Variants in PCOLCE observed in about 807,000 individuals in gnomAD.
PCOLCE encodes procollagen C-endopeptidase enhancer 1.
In PCOLCE, 33 loss-of-function variants were observed where a neutral mutation model predicts 47.2. The observed-to-expected ratio is 0.70, with a 90% CI of 0.53 to 0.93. The LOEUF is 0.93. Among genes scored for constraint, PCOLCE ranks in the 40% least tolerant of loss-of-function variants. The pLI is 0.00. For synonymous variants in PCOLCE, 254 were observed against 252.5 expected, an observed-to-expected ratio of 1.01 and a Z score of -0.06; for missense variants, 584 against 585.3, an observed-to-expected ratio of 1.00 and a Z score of 0.02.
chr7:100,607,446 T>C lies in PCOLCE; in HGVS notation c.941-6T>C, dbSNP rs1402599962. 10 of 1,613,022 alleles carry C rather than the reference T, an allele frequency of 6.2e-6. No homozygotes were observed. The African/African-American group carries it at 9.4e-5, about 15-fold the overall frequency. ...GCAGGTCACCCTCCACCCTCCTCCC[T>C]CCTAGATGCACCCACCTGCCCAAAG... On this transcript the variant is annotated splice_polypyrimidine_tract_variant and splice_region_variant and intron_variant, in intron 6 of 8. Transcript: ENST00000223061.
chr7:100,603,350 C>G (rs1026904880), intron 1 of PCOLCE, 80 bp from the exon 2 acceptor site: 22 of 721,626 alleles, frequency 3.0e-5, no homozygotes, highest in Non-Finnish European at 4.8e-5. Flanking sequence ...GTTTCATCCT[C>G]ATCACCTCAT....
In PCOLCE at chr7:100,607,637, T is replaced by C; in HGVS notation, c.1013T>C (p.Val338Ala). 6.2e-7 allele frequency: 1 copy of C among 1,613,970 alleles called. No individual in the cohort carries two copies. The highest frequency in any genetic ancestry group is 8.5e-7 in the Non-Finnish European group (1 of 1,179,880). Residue 338 changes from valine to alanine, a missense_variant and splice_region_variant, in exon 8 of 9, where the codon GTG becomes GCG. Physicochemically the swap from Val to Ala is moderately conservative, Grantham distance 64 (BLOSUM62 0). Transcript: ENST00000223061. The stretch of plus-strand genomic sequence containing the variant: ...ATCTCTCACTCCCATTCTCCCACAG[T>C]GGTGACTGCGACAGTGAAGTCCATG... Reference protein sequence around the residue: ...LQSNFCASSLVVTATVKSMVR... With the variant: ...LQSNFCASSLAVTATVKSMVR...
At position 100,608,106 on chromosome 7, in the gene PCOLCE, C is replaced by T. The variant is rs368423408; in HGVS notation, c.*3C>T. 36 of 1,613,108 alleles carry T rather than the reference C, an allele frequency of 2.2e-5. No individual in the cohort carries two copies. The highest frequency in any genetic ancestry group is 1.5e-4 in the South Asian group (14 of 91,072). On this transcript the variant is annotated 3_prime_UTR_variant, in exon 9 of 9. Coordinates refer to ENST00000223061, the MANE Select transcript of PCOLCE (RefSeq NM_002593.4). Reference sequence around the variant, plus strand: ...GGGCTGCTGCGTCCCAGGACTGAGACGCAGGCCAGCCCCGGCCCCTAGCCC... The same window carrying T: ...GGGCTGCTGCGTCCCAGGACTGAGATGCAGGCCAGCCCCGGCCCCTAGCCC...
intron 1 of PCOLCE, 40 bp from the exon 2 acceptor site, chr7:100,603,390 C>A: frequency 9.7e-7 from 1 of 1,035,318 alleles, no homozygotes; most frequent in Non-Finnish European, 1.5e-6. Flanking sequence ...CCCCGTCCCA[C>A]CCGTCCCTGC....
chr7:100,603,553 TG>T lies in PCOLCE; in HGVS notation c.204+18del. The stretch of plus-strand genomic sequence containing the variant: ...GGACCATAACGGTGAGAAACCCCTC[TG>T]GGCACTACCCCTTGTTAAAGTCTCA... On this transcript the variant is annotated intron_variant, in intron 2 of 8. Coordinates refer to ENST00000223061, the MANE Select transcript of PCOLCE (RefSeq NM_002593.4). The T allele has an allele frequency of 7.3e-7, 1 of 1,365,600 alleles. No homozygotes were observed. Among genetic ancestry groups the T allele is most frequent in the Non-Finnish European group, 1.0e-6 (1 of 967,884 alleles). The allele number at this position is 1,365,600 out of a possible 1,614,324, so 84.6% of individuals were successfully genotyped here.
intron 1 of PCOLCE, chr7:100,602,778 TAA>T: frequency 1.7e-6 from 1 of 571,824 alleles, no homozygotes; most frequent in Non-Finnish European, 3.1e-6. Flanking sequence ...TCTGGTCTCT[TAA>T]GTCTCCCCAC....
At position 100,605,955 on chromosome 7, in the gene PCOLCE, G is replaced by T; in HGVS notation, c.725+143G>T. 1 of 959,588 alleles carries T rather than the reference G, an allele frequency of 1.0e-6. No individual in the cohort carries two copies. Among genetic ancestry groups the T allele is most frequent in the Non-Finnish European group, 1.5e-6 (1 of 661,184 alleles). 59.4% of individuals were successfully genotyped at this position (959,588 alleles called of 1,614,324 possible). A position where few individuals can be genotyped will look rare whatever the true frequency, so the allele number is the denominator to read the frequency against. On this transcript the variant is annotated intron_variant, in intron 5 of 8. Transcript: ENST00000223061. This position sits in a 1 kb window ranked among gnomAD's most constrained non-coding sequence, Gnocchi z 6.1. ...GGCGAGGGGAGCAGGTTGGAGGCCAGGCAAAGAGGAGATTTGGCCCCGGGT... is the reference window on the plus strand; with the variant it reads ...GGCGAGGGGAGCAGGTTGGAGGCCATGCAAAGAGGAGATTTGGCCCCGGGT...
Position 100,606,552 on chromosome 7 carries a change from C to G in PCOLCE, c.862C>G (p.Arg288Gly). The G allele has an allele frequency of 6.2e-7, 1 of 1,614,154 alleles. No individual in the cohort carries two copies. The highest frequency in any genetic ancestry group is 1.1e-5 in the South Asian group (1 of 91,084). ...AKEGQGPGPK[R>G]GTEPKVKLPP... is the part of the protein sequence containing the mutation. The stretch of plus-strand genomic sequence containing the variant: ...AGAAGGGCAAGGGCCCGGCCCCAAA[C>G]GGGGAACTGAGCCTAAAGTCAAGCT... The change falls in exon 6 of 9, where the codon CGG becomes GGG. Residue 288 changes from arginine (R) to glycine (G), a missense_variant. Transcript: ENST00000223061.
chr7:100,607,886 G>C, intron 8 of PCOLCE, 51 bp from the exon 9 acceptor site: 1 of 1,611,804 alleles, frequency 6.2e-7, no homozygotes, highest in Non-Finnish European at 8.5e-7. Flanking sequence ...CTTGAGACCT[G>C]CTGACAGGTC....
intron 2 of PCOLCE, 157 bp from the exon 3 acceptor site, chr7:100,603,802 G>A: frequency 1.3e-6 from 1 of 785,206 alleles, no homozygotes; most frequent in Non-Finnish European, 2.0e-6. Context: ...GCTACCAGCA[G>A]AGCTGCAGAG....
At position 100,605,119 on chromosome 7, in the gene PCOLCE, GAAGGCCCAGGGA is replaced by G; in HGVS notation, c.494_505del (p.Lys165_Gly168del). 6.2e-7 allele frequency: 1 copy of G among 1,612,614 alleles called. No homozygotes were observed. The highest frequency in any genetic ancestry group is 8.5e-7 in the Non-Finnish European group (1 of 1,179,522). On this transcript the variant is annotated inframe_deletion, in exon 4 of 9. Transcript: ENST00000223061. The surrounding 1 kb of genome is among the most constrained non-coding windows in gnomAD (Gnocchi z 6.1). ...ACCAATTTTGCGGGGGGCGGCTGGA[GAAGGCCCAGGGA>G]ACCCTGACCACGCCCAACTGGCCCG...
chr7:100,603,564 C>G, intron 2 of PCOLCE, 26 bp downstream of exon 2: 1 of 1,291,494 alleles, frequency 7.7e-7, no homozygotes, highest in South Asian at 1.2e-5. Context: ...GGGCACTACC[C>G]CTTGTTAAAG....
At chr7:100,607,409 C>G in intron 6 of PCOLCE, 43 bp from the exon 7 acceptor site, 1 of 1,499,326 alleles carries the variant, frequency 6.7e-7, no homozygotes, top group Non-Finnish European at 9.3e-7. Context: ...AGTGCTCCCT[C>G]CTACCTGCTG....
Position 100,604,001 on chromosome 7 carries a change from G to C in PCOLCE, c.247G>C (p.Asp83His). 6.2e-7 allele frequency: 1 copy of C among 1,604,002 alleles called. No individual in the cohort carries two copies. The highest frequency in any genetic ancestry group is 1.3e-5 in the African/African-American group (1 of 75,020). Reference sequence around the variant, plus strand: ...TGTGTCCCTCTCATTCCGAGTCTTCGACCTGGAGCTGCACCCCGCCTGCCG... The same window carrying C: ...TGTGTCCCTCTCATTCCGAGTCTTCCACCTGGAGCTGCACCCCGCCTGCCG... ...QTVSLSFRVFDLELHPACRYD... is the reference protein window; with the variant it reads ...QTVSLSFRVFHLELHPACRYD... Residue 83 changes from aspartate (D) to histidine (H), a missense_variant, in exon 3 of 9, where the codon GAC becomes CAC. By Grantham distance (81) the Asp-to-His change is moderately conservative (BLOSUM62 -1). Transcript: ENST00000223061. The surrounding 1 kb of genome is among the most constrained non-coding windows in gnomAD (Gnocchi z 6.4).
chr7:100,605,098 A>G lies in PCOLCE; in HGVS notation c.471A>G (p.Gln157=), dbSNP rs766639817. 6 of 1,611,110 alleles carry G rather than the reference A, an allele frequency of 3.7e-6. No individual in the cohort carries two copies. The South Asian group carries it at 6.6e-5, about 18-fold the overall frequency. The part of the protein sequence containing the change: ...SGRATSGTEH[Q]FCGGRLEKAQ... ...CCTCTCTCCCCTCCCCAGAGCACCA[A>G]TTTTGCGGGGGGCGGCTGGAGAAGG... Residue 157 remains glutamine, a synonymous_variant, in exon 4 of 9, where the codon CAA becomes CAG. Coordinates refer to ENST00000223061, the MANE Select transcript of PCOLCE (RefSeq NM_002593.4). The surrounding 1 kb of genome is among the most constrained non-coding windows in gnomAD (Gnocchi z 6.1).
In PCOLCE at chr7:100,604,155, A is replaced by C. The variant is rs899984846; in HGVS notation, c.401A>C (p.Asp134Ala). Residue 134 changes from aspartate to alanine, a missense_variant, in exon 3 of 9, where the codon GAT becomes GCT. Asp to Ala is a moderately radical substitution (Grantham distance 126). Transcript: ENST00000223061. This position sits in a 1 kb window ranked among gnomAD's most constrained non-coding sequence, Gnocchi z 6.4. ...CAGGTGACCCTGAGGATGACGACGG[A>C]TGAGGGCACAGGAGGACGAGGCTTC... Reference protein sequence around the residue: ...GNQVTLRMTTDEGTGGRGFLL... With the variant: ...GNQVTLRMTTAEGTGGRGFLL... The C allele has an allele frequency of 4.3e-6, 7 of 1,613,274 alleles. No homozygotes were observed. The highest frequency in any genetic ancestry group is 5.9e-6 in the Non-Finnish European group (7 of 1,179,950).
At chr7:100,606,746 C>A in intron 6 of PCOLCE, 116 bp downstream of exon 6, 1 of 745,554 alleles carries the variant, frequency 1.3e-6, no homozygotes, top group Non-Finnish European at 2.2e-6. Context: ...GTCCAGACAG[C>A]AGGATCGCTT....
intron 1 of PCOLCE, 23 bp from the exon 2 acceptor site, chr7:100,603,407 C>T: frequency 7.4e-7 from 1 of 1,358,094 alleles, no homozygotes; most frequent in Non-Finnish European, 1.0e-6. Context: ...CTGCTCTTTC[C>T]TGACCCCTTT....
rs994574913 is a variant in PCOLCE, at chr7:100,602,377, T to C, written c.-80T>C. 8 of 935,778 alleles carry C rather than the reference T, an allele frequency of 8.5e-6. No homozygotes were observed. The highest frequency in any genetic ancestry group is 1.7e-5 in the Admixed American group (1 of 58,380). 58.0% of individuals were successfully genotyped at this position (935,778 alleles called of 1,614,324 possible). Reference sequence around the variant, plus strand: ...CATCTGGCGCTGATTATCCTGCTGCTGCCGCCACCGCTGCTGCTGCTCTGC... The same window carrying C: ...CATCTGGCGCTGATTATCCTGCTGCCGCCGCCACCGCTGCTGCTGCTCTGC... On this transcript the variant is annotated 5_prime_UTR_variant, in exon 1 of 9. Coordinates refer to ENST00000223061, the MANE Select transcript of PCOLCE (RefSeq NM_002593.4).
Sources: gnomAD v4.1 joint callset for allele counts on GRCh38, gnomAD v4.1.1 for gene constraint, Gnocchi (gnomAD v3.1) non-coding constraint, MANE v1.5 for transcripts, NCBI Gene and HGNC (gene_info 2026-07-23, HGNC 2026-07-21) for gene names.